Variants in CDYL observed in about 807,000 individuals in gnomAD.
The protein encoded by CDYL is chromodomain Y like.
In CDYL, 8 loss-of-function variants were observed where a neutral mutation model predicts 47.3. The observed-to-expected ratio is 0.17, with a 90% confidence interval of 0.10 to 0.31. The LOEUF (loss-of-function observed/expected upper bound fraction) is 0.31, where lower values mean the gene tolerates loss of function less well. Ranked by LOEUF, CDYL falls within the 10% of genes least tolerant of loss-of-function variation. CDYL has a pLI of 1.00. For synonymous variants in CDYL, 266 were observed against 265.0 expected (o/e 1.00, Z -0.04); for missense variants, 471 against 701.4 (o/e 0.67, Z 3.71).
At chr6:4,854,110 G>T (rs996776474) in intron 1 of CDYL, among the ~76,000 whole-genome samples, 4 of 152,182 alleles carry the variant, frequency 2.6e-5, no homozygotes, top group Non-Finnish European at 5.9e-5. Context: ...CTCCAGCAGG[G>T]CAGTGACAAA....
chr6:4,761,117 A>C (rs1241065140), intron 3 of CDYL, among the ~76,000 whole-genome samples: 1 of 152,186 alleles, frequency 6.6e-6, no homozygotes, highest in African/African-American at 2.4e-5. Context: ...GCTCCCAACT[A>C]TTGTACACAC....
chr6:4,712,726 C>T (rs1561818291), intron 1 of CDYL, among the ~76,000 whole-genome samples: 1 of 152,228 alleles, frequency 6.6e-6, no homozygotes, highest in Non-Finnish European at 1.5e-5. Context: ...CTTTAAATGG[C>T]TCCCATTTAT....
intron 1 of CDYL, among the ~76,000 whole-genome samples, chr6:4,710,379 GGGAA>G (rs371019380): frequency 6.9e-5 from 7 of 101,272 alleles, no homozygotes; most frequent in Non-Finnish European, 1.0e-4. Flanking sequence ...GAGGGAGGGA[GGGAA>G]GGAAGGAAGG....
At chr6:4,947,226 C>T (rs1374435549) in intron 5 of CDYL, among the ~76,000 whole-genome samples, 1 of 152,182 alleles carries the variant, frequency 6.6e-6, no homozygotes, top group Non-Finnish European at 1.5e-5. Context: ...GAGATATTTG[C>T]CTTATCTTCT....
intron 2 of CDYL, among the ~76,000 whole-genome samples, chr6:4,925,060 C>T (rs1757826767): frequency 6.6e-6 from 1 of 152,174 alleles, no homozygotes; most frequent in African/African-American, 2.4e-5. Flanking sequence ...AATCTGAAAC[C>T]ATGCAGAAAG....
chr6:4,953,210 C>T (rs1057162113), intron 6 of CDYL, among the ~76,000 whole-genome samples: 1 of 151,698 alleles, frequency 6.6e-6, no homozygotes, highest in South Asian at 2.1e-4. Flanking sequence ...ATGGCAAAAC[C>T]CCGTCTGTAC....
At chr6:4,901,977 A>G (rs1035362827) in intron 2 of CDYL, among the ~76,000 whole-genome samples, 1 of 152,182 alleles carries the variant, frequency 6.6e-6, no homozygotes, top group Non-Finnish European at 1.5e-5. Context: ...TCAGCTGACC[A>G]GACAGAAAAG....
At chr6:4,825,874 A>G (rs1198875811) in intron 1 of CDYL, among the ~76,000 whole-genome samples, 1 of 149,476 alleles carries the variant, frequency 6.7e-6, no homozygotes, top group East Asian at 1.9e-4. Context: ...AAAGAGAGTC[A>G]CCTGACACAC....
At chr6:4,709,071 T>C (rs1199651629) in intron 1 of CDYL, among the ~76,000 whole-genome samples, 3 of 152,134 alleles carry the variant, frequency 2.0e-5, no homozygotes, top group Admixed American at 6.5e-5. Flanking sequence ...GTTTTAAAAA[T>C]AAACTCACCT....
chr6:4,724,396 CAT>C (rs975602095), intron 2 of CDYL: 3 of 152,188 alleles, frequency 2.0e-5, no homozygotes, highest in African/African-American at 4.8e-5. Context: ...TTTCGTGTAA[CAT>C]GTCAGGGCTT....
At chr6:4,783,019 A>C (rs1159789353) in intron 1 of CDYL, among the ~76,000 whole-genome samples, 1 of 152,200 alleles carries the variant, frequency 6.6e-6, no homozygotes, top group Non-Finnish European at 1.5e-5. Context: ...ACCCTGGTGC[A>C]TTCCTGAACT....
chr6:4,811,606 T>G (rs929560898), intron 1 of CDYL, among the ~76,000 whole-genome samples: 3 of 148,394 alleles, frequency 2.0e-5, no homozygotes, highest in Non-Finnish European at 3.0e-5. Flanking sequence ...AATGACATTA[T>G]TCTTTTTTTT....
At chr6:4,746,426 A>C (rs192896564) in intron 3 of CDYL, among the ~76,000 whole-genome samples, 1 of 152,068 alleles carries the variant, frequency 6.6e-6, no homozygotes, top group Non-Finnish European at 1.5e-5. Context: ...GATGACTTCA[A>C]TGAAGGAAAT....
intron 1 of CDYL, among the ~76,000 whole-genome samples, chr6:4,711,611 G>C (rs1757153955): frequency 6.6e-6 from 1 of 152,158 alleles, no homozygotes; most frequent in Non-Finnish European, 1.5e-5. Flanking sequence ...GTTATTCCTT[G>C]TGAGGGAGGG....
intron 1 of CDYL, among the ~76,000 whole-genome samples, chr6:4,850,613 T>G (rs906843512): frequency 6.6e-6 from 1 of 152,214 alleles, no homozygotes. Flanking sequence ...TCAGGAGAAC[T>G]TTGGATATAA....
chr6:4,905,391 A>G (rs1363064711), intron 2 of CDYL, among the ~76,000 whole-genome samples: 1 of 152,190 alleles, frequency 6.6e-6, no homozygotes, highest in East Asian at 1.9e-4. Context: ...CTCCCACGAG[A>G]CAGACCTGAA....
intron 1 of CDYL, among the ~76,000 whole-genome samples, chr6:4,831,501 G>A (rs569958880): frequency 1.4e-4 from 21 of 152,290 alleles, no homozygotes; most frequent in East Asian, 1.2e-3. Context: ...ATAGTTTGAC[G>A]TCAGGTGGCG....
At chr6:4,789,419 G>A (rs1020584479) in intron 1 of CDYL, among the ~76,000 whole-genome samples, 2 of 152,078 alleles carry the variant, frequency 1.3e-5, no homozygotes, top group Non-Finnish European at 1.5e-5. Context: ...GGTGTCTCTG[G>A]GCACGGTGGG....
upstream of CDYL, among the ~76,000 whole-genome samples, chr6:4,776,002 T>G (rs1758428707): frequency 6.7e-6 from 1 of 149,624 alleles, no homozygotes; most frequent in African/African-American, 2.4e-5. Context: ...CGTCCTGGTG[T>G]GCACAACCGC....
Sources: gnomAD v4.1 joint callset for allele counts (sites outside exome capture counted in the v4.1 genomes callset) on GRCh38, gnomAD v4.1.1 for gene constraint, MANE v1.5 for transcripts, NCBI Gene and HGNC (gene_info 2026-07-23, HGNC 2026-07-21) for gene names.